Variants in ASXL1 observed in about 807,000 individuals in gnomAD.
ASXL1 encodes polycomb group protein ASXL1.
ASXL1 carries 65 observed loss-of-function variants against 89.1 expected under a neutral mutation model. The observed-to-expected ratio is 0.73, with a 90% CI of 0.60 to 0.90. The LOEUF (loss-of-function observed/expected upper bound fraction) is 0.90. Ranked by LOEUF, ASXL1 falls within the 40% of genes least tolerant of loss-of-function variation. The pLI, the probability that ASXL1 is intolerant of heterozygous loss-of-function variation, is 0.00. For synonymous variants in ASXL1, 739 were observed against 746.9 expected (o/e 0.99, Z 0.17); for missense variants, 1,786 against 1,942.9 (o/e 0.92, Z 1.52).
At position 32,367,729 on chromosome 20, in the gene ASXL1, G is replaced by A. The variant is rs567076886; in HGVS notation, c.143G>A (p.Ser48Asn). The A allele has an allele frequency of 1.3e-6, 1 of 780,852 alleles. No homozygotes were observed. Among genetic ancestry groups the A allele is most frequent in the African/African-American group, 1.7e-5 (1 of 59,250 alleles). 48.4% of individuals were successfully genotyped at this position (780,852 alleles called of 1,614,324 possible). The change falls in exon 3 of 13, where the codon AGT becomes AAT. Residue 48 changes from serine (S) to asparagine (N), a missense_variant and splice_region_variant. Transcript: ENST00000375687. The part of the protein sequence containing the change: ...IEAEGLKEMR[S>N]GTSPLACLNA... The stretch of plus-strand genomic sequence containing the variant: ...CTGTTGGACCACTTTGCCTATAGAA[G>A]GTAAATGAGTCCCTTTGGGACATAT...
At chr20:32,381,971 T>G (rs2048494754) in intron 4 of ASXL1, among the ~76,000 whole-genome samples, 1 of 150,072 alleles carries the variant, frequency 6.7e-6, no homozygotes, top group Non-Finnish European at 1.5e-5. Flanking sequence ...TTTTTTTTTT[T>G]TGAGACAGAA....
Position 32,437,388 on chromosome 20 carries a change from A to G in ASXL1, c.*50A>G. The G allele has an allele frequency of 6.3e-7, 1 of 1,594,668 alleles. No individual in the cohort carries two copies. Among genetic ancestry groups the G allele is most frequent in the Non-Finnish European group, 8.6e-7 (1 of 1,162,760 alleles). On this transcript the variant is annotated 3_prime_UTR_variant, in exon 13 of 13. Transcript: ENST00000375687. Reference sequence around the variant, plus strand: ...GTATATTTAGTGTGTGTATTTTGATAATGATTGATCTTAAATCTGTATACA... The same window carrying G: ...GTATATTTAGTGTGTGTATTTTGATGATGATTGATCTTAAATCTGTATACA...
intron 4 of ASXL1, among the ~76,000 whole-genome samples, chr20:32,397,208 C>CTT (rs375250828): frequency 8.0e-5 from 2 of 24,958 alleles, no homozygotes; most frequent in Non-Finnish European, 2.2e-4. Flanking sequence ...CCATGCCTGG[C>CTT]CTTTTTTTTT....
At chr20:32,423,057 T>C (rs1193233671) in intron 4 of ASXL1, among the ~76,000 whole-genome samples, 1 of 152,098 alleles carries the variant, frequency 6.6e-6, no homozygotes, top group Non-Finnish European at 1.5e-5. Context: ...ACATATAGGG[T>C]TAATGTATGA....
At chr20:32,424,337 C>CGATG (rs2011213224) in intron 4 of ASXL1, among the ~76,000 whole-genome samples, 1 of 152,126 alleles carries the variant, frequency 6.6e-6, no homozygotes, top group East Asian at 1.9e-4. Context: ...GATTTCAAGA[C>CGATG]CATCCTGGCC....
At chr20:32,401,039 TAC>T (rs1396231604) in intron 4 of ASXL1, among the ~76,000 whole-genome samples, 2 of 152,206 alleles carry the variant, frequency 1.3e-5, no homozygotes, top group East Asian at 3.9e-4. Context: ...GCAGAAATAA[TAC>T]AGAGTTCTGA....
chr20:32,367,553 A>G (rs897982975), intron 2 of ASXL1, among the ~76,000 whole-genome samples, 174 bp from the exon 3 acceptor site: 4 of 152,208 alleles, frequency 2.6e-5, no homozygotes, highest in Non-Finnish European at 5.9e-5. Flanking sequence ...TGTCAGTTCA[A>G]ACGTTCTCAA....
chr20:32,412,335 C>T (rs1425060946), intron 4 of ASXL1, among the ~76,000 whole-genome samples: 1 of 152,206 alleles, frequency 6.6e-6, no homozygotes, highest in South Asian at 2.1e-4. Flanking sequence ...AATTGTTAAC[C>T]CATTCCACTG....
intron 1 of ASXL1, chr20:32,359,333 A>C (rs1470448926): frequency 2.8e-6 from 2 of 702,584 alleles, no homozygotes; most frequent in Admixed American, 4.0e-5. Flanking sequence ...AATCTAAACC[A>C]GGTGCGTGGA....
chr20:32,369,105 C>A lies in ASXL1; in HGVS notation c.234C>A (p.Ile78=), dbSNP rs1569242625. 2 of 1,611,720 alleles carry A rather than the reference C, an allele frequency of 1.2e-6. No individual in the cohort carries two copies. Among genetic ancestry groups the A allele is most frequent in the Non-Finnish European group, 1.7e-6 (2 of 1,177,796 alleles). The change falls in exon 4 of 13, where the codon ATC becomes ATA. Residue 78 remains isoleucine, a synonymous_variant. Coordinates refer to ENST00000375687, the MANE Select transcript of ASXL1 (RefSeq NM_015338.6). ...TGTTTTATAAACTGCCTGGCCGAAT[C>A]AGCCTTTTCACGCTCAAGGTAAGTG... The part of the protein sequence containing the change: ...EGLFYKLPGR[I]SLFTLKKDAL...
chr20:32,413,094 A>G (rs1053186182), intron 4 of ASXL1, among the ~76,000 whole-genome samples: 3 of 152,216 alleles, frequency 2.0e-5, no homozygotes, highest in African/African-American at 7.2e-5. Flanking sequence ...GGAAGTTTTC[A>G]TGAAACGATA....
At chr20:32,368,007 T>C (rs1354319115) in intron 3 of ASXL1, among the ~76,000 whole-genome samples, 1 of 152,212 alleles carries the variant, frequency 6.6e-6, no homozygotes, top group East Asian at 1.9e-4. Flanking sequence ...TAGCATCCAG[T>C]GTGTTCCAAG....
rs773003506 is a variant in ASXL1, at chr20:32,433,706, C to G, written c.1508C>G (p.Ser503Cys). The G allele has an allele frequency of 3.7e-6, 6 of 1,612,848 alleles. No homozygotes were observed. In the South Asian group the frequency reaches 5.5e-5, roughly 15 times the overall value. The change falls in exon 12 of 13, where the codon TCT (serine) becomes TGT (cysteine). Residue 503 changes from serine (S) to cysteine (C), a missense_variant. By Grantham distance (112) the Ser-to-Cys change is moderately radical. Transcript: ENST00000375687. ...EPDNLARASASPDRIPSLPQE... is the reference protein window; with the variant it reads ...EPDNLARASACPDRIPSLPQE... ...GACAACTTGGCACGTGCCTCTGCAT[C>G]TCCAGACAGAATTCCTAGCCTGCCT...
chr20:32,358,976 C>G lies in ASXL1; in HGVS notation c.57+144C>G. 3.2e-6 allele frequency: 3 copies of G among 935,102 alleles called. No homozygotes were observed. In the South Asian group the frequency reaches 5.4e-5, roughly 17 times the overall value. The allele number at this position is 935,102 out of a possible 1,614,324, so 57.9% of individuals were successfully genotyped here. A position where few individuals can be genotyped will look rare whatever the true frequency, so the allele number is the denominator to read the frequency against. ...TCTTCCTTTAAGAACGGGACAGCCC[C>G]GCAAGGCGAGGGGTGGGGAGCGCTC... On this transcript the variant is annotated intron_variant, in intron 1 of 12. Transcript: ENST00000375687.
At position 32,429,681 on chromosome 20, in the gene ASXL1, G is replaced by T; in HGVS notation, c.566-220G>T. 1 of 709,030 alleles carries T rather than the reference G, an allele frequency of 1.4e-6. No individual in the cohort carries two copies. Among genetic ancestry groups the T allele is most frequent in the Non-Finnish European group, 2.3e-6 (1 of 432,026 alleles). The allele number at this position is 709,030 out of a possible 1,614,324, so 43.9% of individuals were successfully genotyped here. ...TGATTATGCCAGTGCTTTGTAAAAG[G>T]TGTAGTGCTATACAAATAAAGATGG... On this transcript the variant is annotated intron_variant, in intron 7 of 12. Coordinates refer to ENST00000375687, the MANE Select transcript of ASXL1 (RefSeq NM_015338.6). The surrounding 1 kb of genome is among the most constrained non-coding windows in gnomAD (Gnocchi z 4.9).
chr20:32,363,541 A>G (rs1226256548), intron 1 of ASXL1, among the ~76,000 whole-genome samples: 7 of 152,256 alleles, frequency 4.6e-5, no homozygotes, highest in African/African-American at 1.7e-4. Context: ...TATAAATCAT[A>G]AACAGATATC....
intron 8 of ASXL1, chr20:32,430,473 T>C: frequency 4.1e-6 from 1 of 244,928 alleles, no homozygotes; most frequent in Non-Finnish European, 8.0e-6. Context: ...AGTCAGTATG[T>C]TGAGTGGAAG....
chr20:32,431,373 C>T lies in ASXL1; in HGVS notation c.771C>T (p.Ser257=). Residue 257 remains serine, a synonymous_variant, in exon 9 of 13, where the codon TCC becomes TCT. Coordinates refer to ENST00000375687, the MANE Select transcript of ASXL1 (RefSeq NM_015338.6). ...GEEIDFETPG[S]ILVNTNLRAL... ...AAATAGATTTTGAGACACCTGGGTC[C>T]ATTCTTGTCAACACCAACCTCCGTG... is the stretch of plus-strand genomic sequence containing the variant. The T allele has an allele frequency of 6.2e-7, 1 of 1,614,172 alleles. No individual in the cohort carries two copies. The highest frequency in any genetic ancestry group is 8.5e-7 in the Non-Finnish European group (1 of 1,180,046).
chr20:32,425,559 G>A (rs573940671), intron 4 of ASXL1, among the ~76,000 whole-genome samples: 3 of 152,192 alleles, frequency 2.0e-5, no homozygotes, highest in Admixed American at 6.5e-5. Flanking sequence ...GTTTTAATTT[G>A]CATTATTTTG....
Sources: allele counts gnomAD v4.1 joint callset (sites outside exome capture counted in the v4.1 genomes callset), GRCh38; gene constraint gnomAD v4.1.1; non-coding constraint Gnocchi (gnomAD v3.1); transcripts MANE v1.5; gene names NCBI Gene and HGNC (gene_info 2026-07-23, HGNC 2026-07-21).